The following HDAC9 variants were observed in gnomAD, a reference collection of about 807,000 sequenced individuals.
HDAC9 encodes the protein histone deacetylase 9, also known as MEF-2 interacting transcription repressor (MITR) protein.
HDAC9 carries 41 observed loss-of-function variants against 139.4 expected under a neutral mutation model. The ratio of observed to expected loss-of-function variants is 0.29; its 90% CI spans 0.23 to 0.38. The LOEUF is 0.38. Ranked by LOEUF, HDAC9 falls within the 10% of genes least tolerant of loss-of-function variation. HDAC9 has a pLI of 1.00. For synonymous variants in HDAC9, 517 were observed against 476.2 expected (o/e 1.09, Z -1.12); for missense variants, 1,147 against 1,297.0 (o/e 0.88, Z 1.78).
At chr7:18,328,654 A>G (rs1490970089) in intron 1 of HDAC9, among the ~76,000 whole-genome samples, 1 of 151,884 alleles carries the variant, frequency 6.6e-6, no homozygotes, top group Non-Finnish European at 1.5e-5. Flanking sequence ...ATCCCACTTG[A>G]TCATGGTGAG....
chr7:18,696,111 T>C (rs1402483698), intron 12 of HDAC9, among the ~76,000 whole-genome samples: 2 of 151,960 alleles, frequency 1.3e-5, no homozygotes, highest in Non-Finnish European at 2.9e-5. Flanking sequence ...TAATATCATT[T>C]TTGTCTTTTC....
Position 18,739,898 on chromosome 7 carries a change from C to T in HDAC9, c.1910-9107C>T, listed in dbSNP as rs62446575. 6.7e-3 allele frequency among the ~76,000 whole-genome samples: 1,020 copies of T among 152,328 alleles called. 7 individuals carry two copies. The highest frequency in any genetic ancestry group is 9.4e-3 in the Non-Finnish European group (639 of 68,030). On this transcript the variant is annotated intron_variant, in intron 13 of 25. Transcript: ENST00000686413. ...AGGTGGAGTCTGTAGAGGCAGTAGG[C>T]CTTGCTGAGCTGCAGTGGGCTCTGC...
chr7:18,216,394 G>A lies in HDAC9; in HGVS notation c.25+54045G>A, dbSNP rs577795231. On this transcript the variant is annotated intron_variant, in intron 2 of 12. Coordinates refer to the HDAC9 transcript ENST00000417496. The stretch of plus-strand genomic sequence containing the variant: ...TTCAAATTTTAGTTCTTTTTCTATC[G>A]TATTGGTAAGAATGTTACAGTTTCT... Among the ~76,000 whole-genome samples, 4 of 151,908 alleles carry A rather than the reference G, an allele frequency of 2.6e-5. No individual in the cohort carries two copies. The South Asian group carries it at 6.2e-4, about 24-fold the overall frequency.
intron 22 of HDAC9, among the ~76,000 whole-genome samples, chr7:18,911,559 GT>G (rs1340822257): frequency 6.6e-6 from 1 of 150,672 alleles, no homozygotes; most frequent in Non-Finnish European, 1.5e-5. Flanking sequence ...CTAATTTGGG[GT>G]TTGGTTTTTC....
intron 2 of HDAC9, among the ~76,000 whole-genome samples, chr7:18,531,923 A>AT (rs1039135056): frequency 6.6e-6 from 1 of 152,166 alleles, no homozygotes; most frequent in Non-Finnish European, 1.5e-5. Flanking sequence ...TGTCAAATAC[A>AT]TTTTTTGGTC....
At chr7:18,777,793 G>T (rs997908963) in intron 16 of HDAC9, among the ~76,000 whole-genome samples, 1 of 151,934 alleles carries the variant, frequency 6.6e-6, no homozygotes, top group African/African-American at 2.4e-5. Flanking sequence ...CAGGTAAGGT[G>T]CCCTAGATTA....
chr7:18,482,661 G>C (rs1490871186), intron 1 of HDAC9, among the ~76,000 whole-genome samples: 1 of 151,928 alleles, frequency 6.6e-6, no homozygotes, highest in Non-Finnish European at 1.5e-5. Flanking sequence ...TTTTCTTAGA[G>C]AAGCATCACA....
Position 18,900,708 on chromosome 7 carries a change from TG to T in HDAC9, c.2803+26115del, listed in dbSNP as rs531210733. ...AGAACTGCCCACCATAAAAACATAA[TG>T]GGCTGTTTATCTGAGCAGCCAGAAG... On this transcript the variant is annotated intron_variant, in intron 22 of 25. Transcript: ENST00000686413. 5.9e-5 allele frequency among the ~76,000 whole-genome samples: 9 copies of T among 152,240 alleles called. No individual in the cohort carries two copies. The South Asian group carries it at 1.9e-3, about 32-fold the overall frequency.
At chr7:18,273,017 C>T (rs1321589675) in intron 2 of HDAC9, among the ~76,000 whole-genome samples, 9 of 142,344 alleles carry the variant, frequency 6.3e-5, no homozygotes, top group African/African-American at 2.0e-4. Flanking sequence ...CTTCTTCCTC[C>T]TCCTCCTCCT....
chr7:18,792,530 G>A (rs1052255478), intron 16 of HDAC9, among the ~76,000 whole-genome samples: 9 of 151,824 alleles, frequency 5.9e-5, no homozygotes, highest in African/African-American at 2.2e-4. Context: ...TGTTTTCATT[G>A]CATTCATGAA....
intron 21 of HDAC9, among the ~76,000 whole-genome samples, chr7:18,849,648 C>T (rs750702703): frequency 3.3e-5 from 5 of 152,032 alleles, no homozygotes; most frequent in Non-Finnish European, 5.9e-5. Context: ...ATCAATTTGT[C>T]GACTTACAAA....
intron 3 of HDAC9, 95 bp downstream of exon 3, chr7:18,585,617 C>A: frequency 1.4e-6 from 2 of 1,430,168 alleles, no homozygotes; most frequent in Non-Finnish European, 1.9e-6. Context: ...GGTAGATTCA[C>A]TGTGATTAAG....
intron 6 of HDAC9, among the ~76,000 whole-genome samples, chr7:18,611,381 T>C (rs890943364): frequency 2.5e-4 from 38 of 152,286 alleles, no homozygotes; most frequent in African/African-American, 8.9e-4. Flanking sequence ...CAGACTTATA[T>C]AGTAGAATAG....
chr7:18,727,898 T>A (rs1785686591), intron 13 of HDAC9, 141 bp downstream of exon 13: 3 of 574,234 alleles, frequency 5.2e-6, no homozygotes, highest in Non-Finnish European at 8.5e-6. Flanking sequence ...TACGAGGTTA[T>A]ATTGGCTATA....
chr7:18,804,649 C>T (rs1448870775), intron 17 of HDAC9, among the ~76,000 whole-genome samples: 1 of 152,186 alleles, frequency 6.6e-6, no homozygotes, highest in Non-Finnish European at 1.5e-5. Flanking sequence ...AAATCCTAAA[C>T]TGTGGACAAT....
At chr7:18,211,980 C>A (rs1369515628) in intron 2 of HDAC9, among the ~76,000 whole-genome samples, 1 of 152,098 alleles carries the variant, frequency 6.6e-6, no homozygotes, top group East Asian at 1.9e-4. Flanking sequence ...AAAGAGAATT[C>A]TTGAGTAACT....
intron 23 of HDAC9, among the ~76,000 whole-genome samples, chr7:18,950,213 A>G (rs1782696743): frequency 6.6e-6 from 1 of 151,958 alleles, no homozygotes; most frequent in Non-Finnish European, 1.5e-5. Context: ...TCCTCTAATT[A>G]TTGGCATGGC....
At chr7:18,356,924 T>C (rs1783355677) in intron 1 of HDAC9, among the ~76,000 whole-genome samples, 1 of 152,140 alleles carries the variant, frequency 6.6e-6, no homozygotes, top group South Asian at 2.1e-4. Context: ...TTCATTTAAT[T>C]ATTTATTATT....
At chr7:18,708,185 G>A (rs779701740) in intron 12 of HDAC9, among the ~76,000 whole-genome samples, 7 of 152,118 alleles carry the variant, frequency 4.6e-5, no homozygotes, top group East Asian at 3.8e-4. Flanking sequence ...GTTTGTTGGC[G>A]TCTATTTCCT....
Sources: allele counts gnomAD v4.1 joint callset (sites outside exome capture counted in the v4.1 genomes callset), GRCh38; gene constraint gnomAD v4.1.1; transcripts MANE v1.5; gene names NCBI Gene and HGNC (gene_info 2026-07-23, HGNC 2026-07-21).